Variants in PPARD observed in about 807,000 individuals in gnomAD.
PPARD encodes the protein peroxisome proliferator activated receptor delta, also known as peroxisome proliferator-activated receptor delta.
A neutral mutation model predicts 39.5 loss-of-function variants in PPARD; 6 were observed. That is an observed-to-expected ratio of 0.15 (90% confidence interval 0.08 to 0.30). The LOEUF is 0.30. Ranked by LOEUF, PPARD falls within the 10% of genes least tolerant of loss-of-function variation. PPARD has a pLI of 1.00. For synonymous variants in PPARD, 210 were observed against 231.3 expected, an observed-to-expected ratio of 0.91 and a Z score of 0.83; for missense variants, 397 against 596.8, an observed-to-expected ratio of 0.67 and a Z score of 3.49.
intron 2 of PPARD, among the ~76,000 whole-genome samples, chr6:35,407,938 T>C: frequency 6.6e-6 from 1 of 152,180 alleles, no homozygotes; most frequent in East Asian, 1.9e-4. Flanking sequence ...TTATGTCTCC[T>C]ATTTTAAATT....
intron 2 of PPARD, among the ~76,000 whole-genome samples, chr6:35,399,065 A>G (rs2150717157): frequency 6.6e-6 from 1 of 151,990 alleles, no homozygotes; most frequent in Non-Finnish European, 1.5e-5. Context: ...GTGAGCTGAG[A>G]TCGAGCCATT....
chr6:35,358,429 C>T (rs1212005841), intron 2 of PPARD, among the ~76,000 whole-genome samples: 4 of 152,134 alleles, frequency 2.6e-5, no homozygotes, highest in Non-Finnish European at 2.9e-5. Context: ...TGTTTTAAGT[C>T]GCTAAGTTTG....
intron 2 of PPARD, among the ~76,000 whole-genome samples, chr6:35,383,289 G>T (rs549952244): frequency 6.6e-6 from 1 of 152,192 alleles, no homozygotes; most frequent in Non-Finnish European, 1.5e-5. Context: ...GAAGCATATG[G>T]TGATCAGCTC....
chr6:35,397,055 G>C (rs1486505070), intron 2 of PPARD, among the ~76,000 whole-genome samples: 1 of 152,096 alleles, frequency 6.6e-6, no homozygotes, highest in Non-Finnish European at 1.5e-5. Context: ...TCAGGACTCA[G>C]CTGCCCTTCA....
chr6:35,370,240 G>A (rs964085844), intron 2 of PPARD, among the ~76,000 whole-genome samples: 3 of 152,304 alleles, frequency 2.0e-5, no homozygotes, highest in Admixed American at 6.5e-5. Flanking sequence ...GTGTGTGGGA[G>A]CTCTAGCTGC....
intron 5 of PPARD, among the ~76,000 whole-genome samples, chr6:35,422,957 C>T (rs943020807): frequency 5.4e-5 from 8 of 148,370 alleles, no homozygotes; most frequent in Non-Finnish European, 8.9e-5. Flanking sequence ...GTGGCTCACA[C>T]CTGTAATCCC....
intron 2 of PPARD, among the ~76,000 whole-genome samples, chr6:35,382,809 T>G (rs1335320822): frequency 2.0e-5 from 3 of 152,238 alleles, no homozygotes; most frequent in Non-Finnish European, 2.9e-5. Context: ...TTTCTTCATC[T>G]GTCAAATTTT....
intron 2 of PPARD, among the ~76,000 whole-genome samples, chr6:35,357,538 C>CT (rs752463569): frequency 0.01 from 1,406 of 140,460 alleles, 12 homozygotes; most frequent in Middle Eastern, 0.03. Context: ...CCACTGCCTA[C>CT]TTTTTTTTTT....
At chr6:35,367,207 G>A (rs72911076) in intron 2 of PPARD, among the ~76,000 whole-genome samples, 4,332 of 152,320 alleles carry the variant, frequency 0.028, 89 homozygotes, top group South Asian at 0.048. Context: ...TGTGATGGGA[G>A]AAGGTGAGTG....
In PPARD at chr6:35,412,245, C is replaced by T. The variant is rs1447367933; in HGVS notation, c.130+1028C>T. Among the ~76,000 whole-genome samples, 1 of 152,168 alleles carries T rather than the reference C, an allele frequency of 6.6e-6. No individual in the cohort carries two copies. Among genetic ancestry groups the T allele is most frequent in the Non-Finnish European group, 1.5e-5 (1 of 68,024 alleles). On this transcript the variant is annotated intron_variant, in intron 3 of 7. Transcript: ENST00000360694. The surrounding 1 kb of genome is among the most constrained non-coding windows in gnomAD (Gnocchi z 4.1). ...CGCGCCTGGCCTGATCCCTCTGCTT[C>T]TTGCTTTCTCCCACCACTTCTCTCC...
At chr6:35,352,520 G>T (rs372722750) in intron 2 of PPARD, among the ~76,000 whole-genome samples, 2 of 152,214 alleles carry the variant, frequency 1.3e-5, no homozygotes, top group South Asian at 2.1e-4. Context: ...CAAAGGTGGA[G>T]ATTTTAATAA....
chr6:35,381,265 T>C (rs986209217), intron 2 of PPARD, among the ~76,000 whole-genome samples: 3 of 152,184 alleles, frequency 2.0e-5, no homozygotes, highest in African/African-American at 7.2e-5. Context: ...TAATGACAAA[T>C]TATCGTTACG....
At chr6:35,380,460 TTTTTTTTTTTTGTTTG>T (rs1374835864) in intron 2 of PPARD, among the ~76,000 whole-genome samples, 384 of 1,904 alleles carry the variant, frequency 0.2, 7 homozygotes, top group Middle Eastern at 0.5. Context: ...TAACCTCGTG[TTTTTTTTTTTTGTTTG>T]TTTTTTTTTT....
intron 2 of PPARD, among the ~76,000 whole-genome samples, chr6:35,380,495 T>G (rs1185194997): frequency 7.5e-6 from 1 of 132,460 alleles, no homozygotes; most frequent in Admixed American, 7.4e-5. Flanking sequence ...TTTTTTTTTT[T>G]TTTTTTTTTT....
intron 2 of PPARD, among the ~76,000 whole-genome samples, chr6:35,373,000 A>G (rs1414268539): frequency 2.0e-5 from 3 of 152,204 alleles, no homozygotes; most frequent in Non-Finnish European, 4.4e-5. Context: ...GGCAGACTTG[A>G]TGTCTGGTGA....
intron 2 of PPARD, among the ~76,000 whole-genome samples, chr6:35,368,598 A>G (rs888181329): frequency 6.6e-6 from 1 of 152,192 alleles, no homozygotes; most frequent in Non-Finnish European, 1.5e-5. Flanking sequence ...TGACTTCCAG[A>G]GGCTGGCACC....
intron 4 of PPARD, among the ~76,000 whole-genome samples, chr6:35,421,255 G>GCCTGAACTAAAATAGTTTTAA (rs1562224650): frequency 1.3e-5 from 2 of 151,114 alleles, no homozygotes; most frequent in Admixed American, 6.6e-5. Context: ...GAGCCACTGT[G>GCCTGAACTAAAATAGTTTTAA]TCCAGCCCCA....
rs558479313 is a variant in PPARD, at chr6:35,378,796, C to T, written c.-102+31646C>T. On this transcript the variant is annotated intron_variant, in intron 2 of 7. Transcript: ENST00000360694. ...CCTCGTTAAGATTTCTACCCTACTGCGACTTAACAACTAAAAAGGGCAGAT... is the reference window on the plus strand; with the variant it reads ...CCTCGTTAAGATTTCTACCCTACTGTGACTTAACAACTAAAAAGGGCAGAT... Among the ~76,000 whole-genome samples, 23 of 152,212 alleles carry T rather than the reference C, an allele frequency of 1.5e-4. No individual in the cohort carries two copies. In the South Asian group the frequency reaches 2.1e-3, roughly 14 times the overall value.
Position 35,378,291 on chromosome 6 carries a change from A to G in PPARD, c.-102+31141A>G, listed in dbSNP as rs577208143. On this transcript the variant is annotated intron_variant, in intron 2 of 7. Transcript: ENST00000360694. Reference sequence around the variant, plus strand: ...CAGTGTTGGTAGTTTAATTGCATTGAATTTCTCTGGCTGAGTAGAGGCAAG... The same window carrying G: ...CAGTGTTGGTAGTTTAATTGCATTGGATTTCTCTGGCTGAGTAGAGGCAAG... 3.3e-5 allele frequency among the ~76,000 whole-genome samples: 5 copies of G among 152,194 alleles called. No homozygotes were observed. The South Asian group carries it at 1.0e-3, about 32-fold the overall frequency.
Sources: gnomAD v4.1 joint callset for allele counts (sites outside exome capture counted in the v4.1 genomes callset) on GRCh38, gnomAD v4.1.1 for gene constraint, Gnocchi (gnomAD v3.1) non-coding constraint, MANE v1.5 for transcripts, NCBI Gene and HGNC (gene_info 2026-07-23, HGNC 2026-07-21) for gene names.